The following NFIB variants were observed in gnomAD, a reference collection of about 807,000 sequenced individuals.
NFIB encodes the protein nuclear factor 1 B-type.
NFIB carries 11 observed loss-of-function variants against 61.5 expected under a neutral mutation model. The ratio of observed to expected loss-of-function variants is 0.18; its 90% CI spans 0.11 to 0.30. The LOEUF (loss-of-function observed/expected upper bound fraction) is 0.30, where lower values mean the gene tolerates loss of function less well. Ranked by LOEUF, NFIB falls within the 10% of genes least tolerant of loss-of-function variation. The pLI, the probability that NFIB is intolerant of heterozygous loss-of-function variation, is 1.00. For missense variants in NFIB, 471 were observed against 608.9 expected, an observed-to-expected ratio of 0.77 and a Z score of 2.38; for synonymous variants, 260 against 216.5, an observed-to-expected ratio of 1.20 and a Z score of -1.76.
the NFIB span, among the ~76,000 whole-genome samples, chr9:14,416,075 A>G: frequency 6.6e-6 from 1 of 152,192 alleles, no homozygotes; most frequent in Non-Finnish European, 1.5e-5. Context: ...TAAACCTAAG[A>G]AAAAAAGTCT....
intron 2 of NFIB, among the ~76,000 whole-genome samples, chr9:14,226,949 G>C (rs1023991602): frequency 1.3e-5 from 2 of 151,316 alleles, no homozygotes; most frequent in Admixed American, 1.3e-4. Context: ...TGACCAGCCT[G>C]ACTAAGATGG....
intron 2 of NFIB, among the ~76,000 whole-genome samples, chr9:14,239,867 T>C (rs1297469918): frequency 1.3e-5 from 2 of 152,104 alleles, no homozygotes; most frequent in African/African-American, 4.8e-5. Context: ...GTTTATATGT[T>C]AAAGAGAACA....
At chr9:14,113,118 T>A in intron 9 of NFIB, 37 bp from the exon 10 acceptor site, 1 of 1,537,700 alleles carries the variant, frequency 6.5e-7, no homozygotes, top group Non-Finnish European at 8.8e-7. Flanking sequence ...ATAAAAATTG[T>A]GAACTATCAG....
At chr9:14,314,230 G>A (rs1163670715), upstream of NFIB, 2 of 649,796 alleles carry the variant, frequency 3.1e-6, no homozygotes, top group East Asian at 9.5e-5. Context: ...GAGGGAGGGG[G>A]CGCGAGCGCT....
At chr9:14,458,549 T>G in the NFIB span, among the ~76,000 whole-genome samples, 7 of 152,296 alleles carry the variant, frequency 4.6e-5, no homozygotes, top group South Asian at 1.5e-3. Context: ...ATAAAAGGCA[T>G]TCAATTAGGA....
At chr9:14,502,461 C>G in the NFIB span, among the ~76,000 whole-genome samples, 248 of 152,310 alleles carry the variant, frequency 1.6e-3, no homozygotes, top group Non-Finnish European at 2.3e-3. Context: ...GACAGGAAAT[C>G]TAATAGTGCA....
chr9:14,494,463 T>A, the NFIB span, among the ~76,000 whole-genome samples: 1 of 152,252 alleles, frequency 6.6e-6, no homozygotes, highest in Non-Finnish European at 1.5e-5. Context: ...GTCTTTTAAA[T>A]GCTGCTGTAT....
intron 6 of NFIB, among the ~76,000 whole-genome samples, chr9:14,141,917 AAAAAAAAAAC>A (rs771972043): frequency 0.052 from 5,823 of 111,242 alleles, 204 homozygotes; most frequent in Admixed American, 0.17. Context: ...AAAAAAAAAA[AAAAAAAAAAC>A]AACGAAATCC....
At chr9:14,104,795 A>G (rs2036313426) in intron 10 of NFIB, among the ~76,000 whole-genome samples, 1 of 152,064 alleles carries the variant, frequency 6.6e-6, no homozygotes, top group Admixed American at 6.6e-5. Flanking sequence ...TATGTTGCCC[A>G]GGCTGGTGAA....
At chr9:14,389,955 C>T (rs776440138) in intron 1 of NFIB, among the ~76,000 whole-genome samples, 5 of 152,152 alleles carry the variant, frequency 3.3e-5, no homozygotes, top group Non-Finnish European at 5.9e-5. Context: ...TCTCAAAACA[C>T]GGAAAAATCG....
chr9:14,172,496 G>A (rs189447713), intron 3 of NFIB, among the ~76,000 whole-genome samples: 29 of 152,240 alleles, frequency 1.9e-4, no homozygotes, highest in Admixed American at 9.2e-4. Context: ...TAAATTCTTG[G>A]TAGGAAAAAA....
chr9:14,478,516 A>C, the NFIB span, among the ~76,000 whole-genome samples: 2 of 152,178 alleles, frequency 1.3e-5, no homozygotes, highest in Non-Finnish European at 2.9e-5. Flanking sequence ...AAATGGGAAA[A>C]ATTTATTACA....
At chr9:14,343,425 A>G (rs1205276799) in intron 1 of NFIB, among the ~76,000 whole-genome samples, 2 of 151,962 alleles carry the variant, frequency 1.3e-5, no homozygotes, top group Non-Finnish European at 2.9e-5. Flanking sequence ...CAGTAGAGAG[A>G]CGTGGCCAGG....
Position 14,125,621 on chromosome 9 carries a change from A to C in NFIB, c.1060+11T>G, listed in dbSNP as rs2130887376. 1 of 1,613,850 alleles carries C rather than the reference A, an allele frequency of 6.2e-7. No individual in the cohort carries two copies. The highest frequency in any genetic ancestry group is 1.7e-5 in the Admixed American group (1 of 59,988). Reference sequence around the variant, plus strand: ...GAAGGAGGCTTCTCCTCTATGCTTGAAACTCCTCACCACTGTGTGCAACTC... The same window carrying C: ...GAAGGAGGCTTCTCCTCTATGCTTGCAACTCCTCACCACTGTGTGCAACTC... On this transcript the variant is annotated intron_variant, in intron 7 of 10. Coordinates refer to ENST00000380953, the MANE Select transcript of NFIB (RefSeq NM_001190737.2).
At chr9:14,115,175 AT>A (rs1197194562) in intron 9 of NFIB, among the ~76,000 whole-genome samples, 2 of 151,796 alleles carry the variant, frequency 1.3e-5, no homozygotes, top group Admixed American at 6.6e-5. Context: ...TTCAGAAACC[AT>A]AAAAAAAAAA....
chr9:14,336,802 G>A (rs562391631), intron 1 of NFIB, among the ~76,000 whole-genome samples: 12 of 151,982 alleles, frequency 7.9e-5, no homozygotes, highest in Non-Finnish European at 1.5e-4. Context: ...AGTAAGAAGC[G>A]CTGCTGAATT....
intron 10 of NFIB, among the ~76,000 whole-genome samples, chr9:14,101,269 T>C (rs960662015): frequency 1.3e-5 from 2 of 152,216 alleles, no homozygotes; most frequent in Non-Finnish European, 2.9e-5. Context: ...GTATACCTTT[T>C]AAAAGTGGAG....
chr9:14,299,319 A>G (rs894129217), intron 2 of NFIB, among the ~76,000 whole-genome samples: 1 of 152,146 alleles, frequency 6.6e-6, no homozygotes, highest in Non-Finnish European at 1.5e-5. Flanking sequence ...TCAGCATGAG[A>G]CTATATATGT....
chr9:14,220,968 A>G (rs2051594555), intron 2 of NFIB, among the ~76,000 whole-genome samples: 1 of 151,128 alleles, frequency 6.6e-6, no homozygotes, highest in Non-Finnish European at 1.5e-5. Context: ...CCTACCTACT[A>G]GCCCATCTAC....
Sources: gnomAD v4.1 joint callset for allele counts (sites outside exome capture counted in the v4.1 genomes callset) on GRCh38, gnomAD v4.1.1 for gene constraint, MANE v1.5 for transcripts, NCBI Gene and HGNC (gene_info 2026-07-23, HGNC 2026-07-21) for gene names.